KCNH7: variants seen among roughly 807,000 people sequenced by gnomAD.
KCNH7 encodes voltage-gated inwardly rectifying potassium channel KCNH7.
KCNH7 carries 49 observed loss-of-function variants against 120.8 expected under a neutral mutation model. The ratio of observed to expected loss-of-function variants is 0.41; its 90% CI spans 0.32 to 0.51. KCNH7 has a LOEUF of 0.51. Ranked by LOEUF, KCNH7 falls within the 20% of genes least tolerant of loss-of-function variation. The pLI, the probability that KCNH7 is intolerant of heterozygous loss-of-function variation, is 0.38. For synonymous variants in KCNH7, 547 were observed against 516.1 expected (o/e 1.06, Z -0.81); for missense variants, 1,097 against 1,446.6 (o/e 0.76, Z 3.92).
intron 2 of KCNH7, among the ~76,000 whole-genome samples, chr2:162,792,416 C>A (rs1683980700): frequency 6.6e-6 from 1 of 151,720 alleles, no homozygotes; most frequent in Non-Finnish European, 1.5e-5. Flanking sequence ...CTGGCCCTGG[C>A]TTTTTTTGGT....
Position 162,577,382 on chromosome 2 carries a change from T to TATCTATCTATCTATCC in KCNH7, c.308-40318_308-40303dup, listed in dbSNP as rs1307765905. On this transcript the variant is annotated intron_variant, in intron 2 of 15. Transcript: ENST00000332142. Reference sequence around the variant, plus strand: ...CTATCTATCTATCTATCTATCTATCTATCTATCTATCTATCCATCTATCTA... The same window carrying TATCTATCTATCTATCC: ...CTATCTATCTATCTATCTATCTATCTATCTATCTATCTATCCATCTATCTATCTATCCATCTATCTA... Among the ~76,000 whole-genome samples, 4 of 149,792 alleles carry TATCTATCTATCTATCC rather than the reference T, an allele frequency of 2.7e-5. No homozygotes were observed. In the East Asian group the frequency reaches 7.9e-4, roughly 30 times the overall value.
At chr2:162,785,604 G>C (rs538234569) in intron 2 of KCNH7, among the ~76,000 whole-genome samples, 1 of 151,942 alleles carries the variant, frequency 6.6e-6, no homozygotes, top group Non-Finnish European at 1.5e-5. Context: ...ATTCAAATGA[G>C]TGAATTAAAA....
intron 2 of KCNH7, among the ~76,000 whole-genome samples, chr2:162,538,329 G>A (rs1054353275): frequency 1.3e-5 from 2 of 152,004 alleles, no homozygotes; most frequent in African/African-American, 2.4e-5. Flanking sequence ...CCAAAAGATC[G>A]GACCCCCCTG....
At chr2:162,760,451 C>T (rs959689163) in intron 2 of KCNH7, among the ~76,000 whole-genome samples, 1 of 152,074 alleles carries the variant, frequency 6.6e-6, no homozygotes, top group African/African-American at 2.4e-5. Context: ...GCTTATTTCT[C>T]CTGTAAATTT....
At chr2:162,407,734 G>A (rs1687269700) in intron 9 of KCNH7, among the ~76,000 whole-genome samples, 1 of 151,974 alleles carries the variant, frequency 6.6e-6, no homozygotes, top group African/African-American at 2.4e-5. Context: ...TGGGGGAAGG[G>A]ATGAACAGAA....
intron 2 of KCNH7, among the ~76,000 whole-genome samples, chr2:162,680,425 G>T (rs2105311351): frequency 6.6e-6 from 1 of 151,878 alleles, no homozygotes; most frequent in Non-Finnish European, 1.5e-5. Context: ...ATACAACACA[G>T]GAGAAACTCA....
chr2:162,426,541 T>C (rs1459475690), intron 8 of KCNH7, among the ~76,000 whole-genome samples: 1 of 152,156 alleles, frequency 6.6e-6, no homozygotes, highest in East Asian at 1.9e-4. Context: ...TTAGGTATTA[T>C]AGAAATCAAA....
At position 162,702,569 on chromosome 2, in the gene KCNH7, A is replaced by G. The variant is rs139831718; in HGVS notation, c.307+133968T>C. 6.3e-3 allele frequency among the ~76,000 whole-genome samples: 952 copies of G among 152,308 alleles called. 16 individuals carry two copies. Among genetic ancestry groups the G allele is most frequent in the African/African-American group, 0.022 (898 of 41,572 alleles). On this transcript the variant is annotated intron_variant, in intron 2 of 15. Transcript: ENST00000332142. ...TTATCCCATGATATATTGTCTGTCAAATAGTGCACTGTAGACGTGATAGGA... is the reference window on the plus strand; with the variant it reads ...TTATCCCATGATATATTGTCTGTCAGATAGTGCACTGTAGACGTGATAGGA...
In KCNH7 at chr2:162,517,799, A is replaced by G; in HGVS notation, c.823T>C (p.Ser275Pro). 2.5e-6 allele frequency: 4 copies of G among 1,606,696 alleles called. No individual in the cohort carries two copies. The highest frequency in any genetic ancestry group is 3.4e-6 in the Non-Finnish European group (4 of 1,174,100). The change falls in exon 4 of 16, where the codon TCG becomes CCG. Residue 275 changes from serine (S) to proline (P), a missense_variant. Ser to Pro is a moderately conservative substitution (Grantham distance 74). Transcript: ENST00000332142. ...CCGAATCCTTCTATATCATGGACCG[A>G]AGATGCTCTCCGTATACTACATAAG... ...ESLCSIRRAS[S>P]VHDIEGFGVH...
intron 2 of KCNH7, among the ~76,000 whole-genome samples, chr2:162,604,107 C>T (rs750208115): frequency 1.6e-4 from 24 of 151,964 alleles, no homozygotes; most frequent in Non-Finnish European, 2.6e-4. Context: ...CTGTTTTATA[C>T]TAGGAATTCT....
chr2:162,502,091 GA>G (rs1418592800), intron 6 of KCNH7: 9 of 152,138 alleles, frequency 5.9e-5, no homozygotes, highest in African/African-American at 2.2e-4. Context: ...CGCCAGCTCA[GA>G]AAACCACTTG....
At chr2:162,733,144 A>G (rs778186761) in intron 2 of KCNH7, among the ~76,000 whole-genome samples, 63 of 152,242 alleles carry the variant, frequency 4.1e-4, no homozygotes, top group Middle Eastern at 3.4e-3. Context: ...ATCGACAATC[A>G]TCAGCTCCCA....
chr2:162,752,633 TC>T (rs1411995396), intron 2 of KCNH7, among the ~76,000 whole-genome samples: 1 of 151,968 alleles, frequency 6.6e-6, no homozygotes, highest in Non-Finnish European at 1.5e-5. Context: ...GTGCAGTGGC[TC>T]ACGTCTGTAA....
At chr2:162,695,606 C>T (rs1374205319) in intron 2 of KCNH7, among the ~76,000 whole-genome samples, 1 of 152,110 alleles carries the variant, frequency 6.6e-6, no homozygotes, top group Non-Finnish European at 1.5e-5. Flanking sequence ...CACTGAACTG[C>T]ACAAAAGTCA....
intron 2 of KCNH7, among the ~76,000 whole-genome samples, chr2:162,817,355 C>G (rs1684951846): frequency 6.6e-6 from 1 of 152,088 alleles, no homozygotes; most frequent in Admixed American, 6.5e-5. Context: ...TTTTGCTCAA[C>G]ATGTTTTTGG....
At chr2:162,803,189 C>A (rs958693944) in intron 2 of KCNH7, among the ~76,000 whole-genome samples, 1 of 151,660 alleles carries the variant, frequency 6.6e-6, no homozygotes, top group African/African-American at 2.4e-5. Context: ...TCGATAGACT[C>A]CTTCAGAAGG....
At position 162,520,615 on chromosome 2, in the gene KCNH7, C is replaced by A. The variant is rs10173789; in HGVS notation, c.464-2457G>T. ...CATCTCTATAAAAAAACAACAACAA[C>A]AAAAAAAACTAGGTATGGTGGCATA... On this transcript the variant is annotated intron_variant, in intron 3 of 15. Transcript: ENST00000332142. Among the ~76,000 whole-genome samples, 1,241 of 151,148 alleles carry A rather than the reference C, an allele frequency of 8.2e-3. 6 individuals carry two copies. The highest frequency in any genetic ancestry group is 0.017 in the Middle Eastern group (5 of 292).
intron 2 of KCNH7, among the ~76,000 whole-genome samples, chr2:162,685,186 G>T (rs941316774): frequency 1.4e-5 from 2 of 145,066 alleles, no homozygotes; most frequent in African/African-American, 2.6e-5. Flanking sequence ...TCACACACCG[G>T]GGCCTGTTGG....
In KCNH7 at chr2:162,690,345, G is replaced by T. The variant is rs1268086970; in HGVS notation, c.307+146192C>A. Among the ~76,000 whole-genome samples the T allele has an allele frequency of 2.6e-5, 4 of 151,988 alleles. No homozygotes were observed. The East Asian group carries it at 7.8e-4, about 30-fold the overall frequency. ...ACCCCCATGACACAAATTTACCTAT[G>T]TAACAAACCTGCACTTGTACCCATG... On this transcript the variant is annotated intron_variant, in intron 2 of 15. Coordinates refer to ENST00000332142, the MANE Select transcript of KCNH7 (RefSeq NM_033272.4).
Sources: allele counts gnomAD v4.1 joint callset (sites outside exome capture counted in the v4.1 genomes callset), GRCh38; gene constraint gnomAD v4.1.1; transcripts MANE v1.5; gene names NCBI Gene and HGNC (gene_info 2026-07-23, HGNC 2026-07-21).